Variants in GBE1 observed in about 807,000 individuals in gnomAD.
The protein encoded by GBE1 is 1,4-alpha-glucan branching enzyme 1, also known as 1,4-alpha-glucan-branching enzyme.
In GBE1, 70 loss-of-function variants were observed where a neutral mutation model predicts 88.8. That is an observed-to-expected ratio of 0.79 (90% CI 0.65 to 0.96). The LOEUF (loss-of-function observed/expected upper bound fraction) is 0.96, where lower values mean the gene tolerates loss of function less well. GBE1 is among the 40% of genes least tolerant of loss of function. The pLI is 0.00. For missense variants in GBE1, 872 were observed against 871.0 expected (o/e 1.00, Z -0.01); for synonymous variants, 284 against 300.1 (o/e 0.95, Z 0.56).
At chr3:81,492,660 T>C (rs1302491110) in intron 15 of GBE1, among the ~76,000 whole-genome samples, 1 of 148,840 alleles carries the variant, frequency 6.7e-6, no homozygotes. Context: ...TTTTTCTTTC[T>C]TCCTTCCCCT....
chr3:81,649,133 C>T, intron 4 of GBE1, 142 bp from the exon 5 acceptor site: 1 of 543,258 alleles, frequency 1.8e-6, no homozygotes, highest in Non-Finnish European at 3.1e-6. Context: ...GCTACACTCA[C>T]TAAATTTTCT....
chr3:81,631,795 G>C (rs1389238065), intron 7 of GBE1, among the ~76,000 whole-genome samples: 2 of 151,480 alleles, frequency 1.3e-5, no homozygotes, highest in African/African-American at 2.4e-5. Context: ...GAAACACTTT[G>C]AAATTATATT....
chr3:81,562,101 G>A (rs147313596), intron 12 of GBE1, among the ~76,000 whole-genome samples: 2 of 152,166 alleles, frequency 1.3e-5, no homozygotes, highest in East Asian at 3.9e-4. Context: ...AGCTCCTTGA[G>A]TTAAGACTAA....
At chr3:81,697,237 T>C (rs1175922603) in intron 2 of GBE1, among the ~76,000 whole-genome samples, 1 of 151,938 alleles carries the variant, frequency 6.6e-6, no homozygotes, top group Non-Finnish European at 1.5e-5. Context: ...GTATAAAGGA[T>C]ATTGCAAAGG....
intron 11 of GBE1, among the ~76,000 whole-genome samples, chr3:81,580,424 G>A (rs1285459954): frequency 6.6e-6 from 1 of 152,104 alleles, no homozygotes; most frequent in African/African-American, 2.4e-5. Flanking sequence ...ATGTGTCAGA[G>A]CCAGACAATT....
At chr3:81,649,191 A>T (rs1472944968) in intron 4 of GBE1, among the ~76,000 whole-genome samples, 200 bp from the exon 5 acceptor site, 1 of 152,168 alleles carries the variant, frequency 6.6e-6, no homozygotes, top group Non-Finnish European at 1.5e-5. Flanking sequence ...ATTTTAAAAG[A>T]TAAATCATGT....
In GBE1 at chr3:81,523,073, T is replaced by C. The variant is rs896681734; in HGVS notation, c.1934+12122A>G. Among the ~76,000 whole-genome samples, 3 of 151,494 alleles carry C rather than the reference T, an allele frequency of 2.0e-5. No homozygotes were observed. In the Admixed American group the frequency reaches 2.0e-4, roughly 10 times the overall value. Reference sequence around the variant, plus strand: ...TTTTCAAAACCGAACCAGGCTTTCATATACAGTGTAATTCTGTGTCAGTAT... The same window carrying C: ...TTTTCAAAACCGAACCAGGCTTTCACATACAGTGTAATTCTGTGTCAGTAT... On this transcript the variant is annotated intron_variant, in intron 14 of 15. Transcript: ENST00000429644.
At chr3:81,506,373 G>A (rs1230618318) in intron 14 of GBE1, among the ~76,000 whole-genome samples, 1 of 152,118 alleles carries the variant, frequency 6.6e-6, no homozygotes, top group African/African-American at 2.4e-5. Context: ...ACACCAGGCA[G>A]AAGGGCTATT....
chr3:81,613,952 C>T (rs1423617358), intron 7 of GBE1, among the ~76,000 whole-genome samples: 1 of 144,440 alleles, frequency 6.9e-6, no homozygotes, highest in Non-Finnish European at 1.5e-5. Context: ...AAAAAAAAAA[C>T]CCTTAAAACT....
chr3:81,596,972 C>T (rs1280880842), intron 7 of GBE1, among the ~76,000 whole-genome samples: 1 of 151,888 alleles, frequency 6.6e-6, no homozygotes, highest in Non-Finnish European at 1.5e-5. Context: ...ATTCAAAGCT[C>T]ATAAATTCCA....
intron 2 of GBE1, among the ~76,000 whole-genome samples, chr3:81,680,427 C>CGGAGCTT (rs1705323023): frequency 6.9e-6 from 1 of 145,284 alleles, no homozygotes; most frequent in Non-Finnish European, 1.5e-5. Context: ...ACCCGGGAGG[C>CGGAGCTT]GGAGCTTGCA....
Position 81,646,542 on chromosome 3 carries a change from G to GA in GBE1, c.692-61dup, listed in dbSNP as rs1179543225. On this transcript the variant is annotated intron_variant, in intron 5 of 15. Transcript: ENST00000429644. ...CCACATTTAAAAAAAAAGTAATGGG[G>GA]AAAAAAAGCATCCTTATTCCAAATA... 3.5e-5 allele frequency: 31 copies of GA among 892,602 alleles called. No homozygotes were observed. The East Asian group carries it at 4.2e-4, about 12-fold the overall frequency. The allele number at this position is 892,602 out of a possible 1,614,324, so 55.3% of individuals were successfully genotyped here. A position where few individuals can be genotyped will look rare whatever the true frequency, so the allele number is the denominator to read the frequency against.
intron 7 of GBE1, among the ~76,000 whole-genome samples, chr3:81,621,202 G>A (rs1470422326): frequency 6.6e-6 from 1 of 152,132 alleles, no homozygotes; most frequent in Non-Finnish European, 1.5e-5. Flanking sequence ...GCACTTTGGA[G>A]AATACATTTG....
At position 81,666,582 on chromosome 3, in the gene GBE1, AAAATCTATTCCAGAGAAAAAT is replaced by A. The variant is rs571886390; in HGVS notation, c.429+4235_429+4255del. Among the ~76,000 whole-genome samples the A allele has an allele frequency of 2.6e-4, 40 of 152,330 alleles. No homozygotes were observed. The East Asian group carries it at 7.5e-3, about 29-fold the overall frequency. On this transcript the variant is annotated intron_variant, in intron 3 of 15. Transcript: ENST00000429644. ...TTATTAATGTAAAAAATTTCAAAGG[AAAATCTATTCCAGAGAAAAAT>A]ATTATTTTTCAATCTGTAAGTTCAG...
At chr3:81,674,483 A>C (rs570164268) in intron 2 of GBE1, among the ~76,000 whole-genome samples, 8 of 152,078 alleles carry the variant, frequency 5.3e-5, no homozygotes, top group South Asian at 2.1e-4. Flanking sequence ...ATGGAAGCAC[A>C]CAGTTAAAAA....
intron 12 of GBE1, among the ~76,000 whole-genome samples, chr3:81,574,584 T>C (rs1703619577): frequency 1.3e-5 from 2 of 152,324 alleles, no homozygotes; most frequent in South Asian, 2.1e-4. Context: ...CTAACTAATC[T>C]AGATACTGAT....
In GBE1 at chr3:81,733,130, C is replaced by T. The variant is rs1278445994; in HGVS notation, c.144-27517G>A. Among the ~76,000 whole-genome samples the T allele has an allele frequency of 2.0e-5, 3 of 152,138 alleles. No individual in the cohort carries two copies. Among genetic ancestry groups the T allele is most frequent in the African/African-American group, 2.4e-5 (1 of 41,432 alleles). On this transcript the variant is annotated intron_variant, in intron 1 of 15. Coordinates refer to ENST00000429644, the MANE Select transcript of GBE1 (RefSeq NM_000158.4). This position sits in a 1 kb window ranked among gnomAD's most constrained non-coding sequence, Gnocchi z 4.0. ...TGCTTGCATTACTGCCTGAGCTCCA[C>T]CTCCTGTCAGATCAGCGGTGGCATT...
chr3:81,503,114 C>A (rs950565359), intron 14 of GBE1, among the ~76,000 whole-genome samples: 7 of 152,014 alleles, frequency 4.6e-5, no homozygotes, highest in African/African-American at 1.7e-4. Flanking sequence ...GAGGAAAGTA[C>A]AATAAATTAT....
At chr3:81,493,628 G>T (rs1202307924) in intron 15 of GBE1, among the ~76,000 whole-genome samples, 1 of 151,514 alleles carries the variant, frequency 6.6e-6, no homozygotes, top group East Asian at 1.9e-4. Context: ...TGCCTCCCAG[G>T]TTCAAGTGAT....
Sources: allele counts gnomAD v4.1 joint callset (sites outside exome capture counted in the v4.1 genomes callset), GRCh38; gene constraint gnomAD v4.1.1; non-coding constraint Gnocchi (gnomAD v3.1); transcripts MANE v1.5; gene names NCBI Gene and HGNC (gene_info 2026-07-23, HGNC 2026-07-21).